Variants in IPMK observed in about 807,000 individuals in gnomAD.
IPMK encodes inositol polyphosphate multikinase.
IPMK carries 17 observed loss-of-function variants against 45.8 expected under a neutral mutation model. The ratio of observed to expected loss-of-function variants is 0.37; its 90% CI spans 0.25 to 0.56. The LOEUF is 0.56. Among genes scored for constraint, IPMK ranks in the 20% least tolerant of loss-of-function variants. The pLI, the probability that IPMK is intolerant of heterozygous loss-of-function variation, is 0.79. For synonymous variants in IPMK, 180 were observed against 184.3 expected (o/e 0.98, Z 0.19); for missense variants, 399 against 498.0 (o/e 0.80, Z 1.89).
At position 58,258,622 on chromosome 10, in the gene IPMK, A is replaced by T. The variant is rs567643592; in HGVS notation, c.190+8800T>A. Among the ~76,000 whole-genome samples, 5 of 152,272 alleles carry T rather than the reference A, an allele frequency of 3.3e-5. No homozygotes were observed. The South Asian group carries it at 6.2e-4, about 19-fold the overall frequency. The stretch of plus-strand genomic sequence containing the variant: ...GTAAACAACACCCTCCTAATTATTA[A>T]TGGATCAAAATTCACAATGGAAATT... On this transcript the variant is annotated intron_variant, in intron 1 of 5. Transcript: ENST00000373935.
intron 2 of IPMK, among the ~76,000 whole-genome samples, chr10:58,232,235 A>T (rs2132162126): frequency 1.3e-5 from 2 of 152,332 alleles, no homozygotes; most frequent in South Asian, 4.1e-4. Context: ...TAACAATGGG[A>T]GACTTTAACA....
chr10:58,242,797 T>C lies in IPMK; in HGVS notation c.191-4983A>G, dbSNP rs1176504325. Among the ~76,000 whole-genome samples, 7 of 152,278 alleles carry C rather than the reference T, an allele frequency of 4.6e-5. No individual in the cohort carries two copies. The East Asian group carries it at 1.4e-3, about 29-fold the overall frequency. On this transcript the variant is annotated intron_variant, in intron 1 of 5. Coordinates refer to ENST00000373935, the MANE Select transcript of IPMK (RefSeq NM_152230.5). Reference sequence around the variant, plus strand: ...TCTGTATGCCCACCCAAATCTCATGTTGAATTGTAATCCCCTGTGTTGGGG... The same window carrying C: ...TCTGTATGCCCACCCAAATCTCATGCTGAATTGTAATCCCCTGTGTTGGGG...
Position 58,192,388 on chromosome 10 carries a change from T to C in IPMK, c.*3688A>G, listed in dbSNP as rs1163415914. On this transcript the variant is annotated 3_prime_UTR_variant, in exon 6 of 6. Coordinates refer to ENST00000373935, the MANE Select transcript of IPMK (RefSeq NM_152230.5). ...TTTAAATGGACAGTCTAAATAAATG[T>C]ACCTTTGCCAGCAAGGAAAGTGAAA... 2.6e-5 allele frequency: 4 copies of C among 152,050 alleles called. No homozygotes were observed. Among genetic ancestry groups the C allele is most frequent in the Non-Finnish European group, 5.9e-5 (4 of 67,936 alleles). The allele number at this position is 152,050 out of a possible 1,614,324, so 9.4% of individuals were successfully genotyped here. A position where few individuals can be genotyped will look rare whatever the true frequency, so the allele number is the denominator to read the frequency against.
chr10:58,211,191 T>TTTG (rs1476342261), intron 4 of IPMK, among the ~76,000 whole-genome samples: 6 of 112,176 alleles, frequency 5.3e-5, no homozygotes, highest in African/African-American at 1.4e-4. Flanking sequence ...GATTACCCGG[T>TTTG]TTTTTTTTTT....
At chr10:58,198,600 T>C (rs1488878260) in intron 5 of IPMK, among the ~76,000 whole-genome samples, 1 of 152,222 alleles carries the variant, frequency 6.6e-6, no homozygotes, top group East Asian at 1.9e-4. Flanking sequence ...ACAAACTTTT[T>C]ACACTATGCA....
At chr10:58,207,920 C>T (rs1304657249) in intron 4 of IPMK, among the ~76,000 whole-genome samples, 1 of 151,960 alleles carries the variant, frequency 6.6e-6, no homozygotes, top group Non-Finnish European at 1.5e-5. Context: ...TAACATAAAC[C>T]CCAATTTCTG....
intron 1 of IPMK, among the ~76,000 whole-genome samples, chr10:58,256,169 C>T (rs1838964410): frequency 6.6e-6 from 1 of 152,134 alleles, no homozygotes; most frequent in Non-Finnish European, 1.5e-5. Flanking sequence ...GGTGTGACTG[C>T]CTGCGGGGCC....
At chr10:58,220,145 C>G (rs1838310018) in intron 3 of IPMK, among the ~76,000 whole-genome samples, 1 of 152,186 alleles carries the variant, frequency 6.6e-6, no homozygotes, top group Non-Finnish European at 1.5e-5. Flanking sequence ...TGTTGCTGAC[C>G]TCTGTGGGTG....
chr10:58,223,933 C>T (rs927497769), intron 3 of IPMK, among the ~76,000 whole-genome samples: 16 of 151,758 alleles, frequency 1.1e-4, no homozygotes. Flanking sequence ...GAGGCCTCAT[C>T]AGCCATGCAG....
intron 1 of IPMK, among the ~76,000 whole-genome samples, chr10:58,239,298 T>C (rs556815788): frequency 7.2e-5 from 11 of 152,362 alleles, no homozygotes; most frequent in African/African-American, 2.6e-4. Flanking sequence ...AGAAGAATTC[T>C]GTTCCTGAAG....
chr10:58,239,661 C>G (rs1262493238), intron 1 of IPMK, among the ~76,000 whole-genome samples: 3 of 152,160 alleles, frequency 2.0e-5, no homozygotes, highest in African/African-American at 7.2e-5. Flanking sequence ...GCAACATAAC[C>G]CCTCACGTTT....
At chr10:58,203,503 A>G (rs1406963209) in intron 4 of IPMK, among the ~76,000 whole-genome samples, 2 of 152,024 alleles carry the variant, frequency 1.3e-5, no homozygotes, top group African/African-American at 4.8e-5. Context: ...TCTTTTGTAG[A>G]CGGGGTTTCA....
Position 58,267,613 on chromosome 10 carries a change from AC to A in IPMK, c.-3del, listed in dbSNP as rs1246365408. On this transcript the variant is annotated 5_prime_UTR_variant, in exon 1 of 6. Coordinates refer to ENST00000373935, the MANE Select transcript of IPMK (RefSeq NM_152230.5). Reference sequence around the variant, plus strand: ...GGGGGATGGTGGCTCTGTTGCCATAACGGAGAGCAGAAGCGGTAACGGCAGC... The same window carrying A: ...GGGGGATGGTGGCTCTGTTGCCATAAGGAGAGCAGAAGCGGTAACGGCAGC... 6.3e-7 allele frequency: 1 copy of A among 1,589,430 alleles called. No homozygotes were observed. The highest frequency in any genetic ancestry group is 2.3e-5 in the East Asian group (1 of 43,850).
At chr10:58,220,433 G>C (rs16911967) in intron 3 of IPMK, among the ~76,000 whole-genome samples, 5,812 of 152,206 alleles carry the variant, frequency 0.038, 184 homozygotes, top group Non-Finnish European at 0.06. Context: ...TCTTAACTGA[G>C]ATGATAAAGT....
At chr10:58,231,858 C>T (rs906198119) in intron 2 of IPMK, among the ~76,000 whole-genome samples, 1 of 152,092 alleles carries the variant, frequency 6.6e-6, no homozygotes, top group Non-Finnish European at 1.5e-5. Flanking sequence ...GGGCTAAATG[C>T]CCCAATTAAA....
chr10:58,267,543 C>T lies in IPMK; in HGVS notation c.69G>A (p.Pro23=), dbSNP rs1194782245. 3 of 1,611,612 alleles carry T rather than the reference C, an allele frequency of 1.9e-6. No homozygotes were observed. In the African/African-American group the frequency reaches 4.0e-5, roughly 22 times the overall value. ...APGPPEMRTS[P]AIESTPEGTP... is the part of the protein sequence containing the mutation. ...TGCCCTCAGGGGTGGACTCGATCGCCGGTGAGGTCCGCATTTCTGGGGGGC... is the reference window on the plus strand; with the variant it reads ...TGCCCTCAGGGGTGGACTCGATCGCTGGTGAGGTCCGCATTTCTGGGGGGC... The change falls in exon 1 of 6, where the codon CCG becomes CCA. Residue 23 remains proline (P), a synonymous_variant. Transcript: ENST00000373935.
chr10:58,233,990 C>G (rs1436363752), intron 2 of IPMK, among the ~76,000 whole-genome samples: 1 of 152,122 alleles, frequency 6.6e-6, no homozygotes, highest in Non-Finnish European at 1.5e-5. Context: ...AATCAATGTA[C>G]AAAAATCACA....
intron 1 of IPMK, among the ~76,000 whole-genome samples, chr10:58,260,308 A>G (rs1360474589): frequency 6.6e-6 from 1 of 152,240 alleles, no homozygotes; most frequent in Non-Finnish European, 1.5e-5. Flanking sequence ...AGGAAACTAA[A>G]GAATCGTAAC....
intron 4 of IPMK, among the ~76,000 whole-genome samples, chr10:58,203,251 A>T (rs1324450835): frequency 1.3e-5 from 2 of 152,256 alleles, no homozygotes; most frequent in Non-Finnish European, 2.9e-5. Context: ...AAGGCTGAAG[A>T]TGTGACTGAA....
Sources: gnomAD v4.1 joint callset for allele counts (sites outside exome capture counted in the v4.1 genomes callset) on GRCh38, gnomAD v4.1.1 for gene constraint, MANE v1.5 for transcripts, NCBI Gene and HGNC (gene_info 2026-07-23, HGNC 2026-07-21) for gene names.